Variants in DPP10 observed in about 807,000 individuals in gnomAD.
DPP10 encodes dipeptidyl peptidase like 10, also known as inactive dipeptidyl peptidase 10.
Under a neutral mutation model 120.9 loss-of-function variants are expected in DPP10, and 33 were observed. The observed-to-expected ratio is 0.27, with a 90% CI of 0.21 to 0.37. The LOEUF is 0.37. Among genes scored for constraint, DPP10 ranks in the 10% least tolerant of loss-of-function variants. The pLI is 1.00. For synonymous variants in DPP10, 337 were observed against 326.1 expected (o/e 1.03, Z -0.36); for missense variants, 816 against 942.8 (o/e 0.87, Z 1.76).
chr2:114,730,790 C>T (rs934192399), intron 1 of DPP10, among the ~76,000 whole-genome samples: 2 of 152,038 alleles, frequency 1.3e-5, no homozygotes, highest in African/African-American at 2.4e-5. Flanking sequence ...GACAGGGTTT[C>T]ACCCTGTTAG....
At chr2:115,692,800 G>A (rs902287576) in intron 7 of DPP10, among the ~76,000 whole-genome samples, 9 of 151,996 alleles carry the variant, frequency 5.9e-5, no homozygotes, top group Admixed American at 5.2e-4. Flanking sequence ...ATAATAAGAT[G>A]CACATTACTA....
At chr2:114,912,136 TCACACA>T (rs145032229) in intron 1 of DPP10, among the ~76,000 whole-genome samples, 1 of 149,946 alleles carries the variant, frequency 6.7e-6, no homozygotes, top group African/African-American at 2.4e-5. Flanking sequence ...ACATTTGCAC[TCACACA>T]CACACACACA....
At chr2:114,706,433 A>G (rs1462366848) in intron 1 of DPP10, among the ~76,000 whole-genome samples, 1 of 152,206 alleles carries the variant, frequency 6.6e-6, no homozygotes, top group African/African-American at 2.4e-5. Context: ...TGAAGACTCT[A>G]AAGGAGAATA....
chr2:115,550,581 T>C (rs1325273279), intron 5 of DPP10, among the ~76,000 whole-genome samples: 1 of 152,156 alleles, frequency 6.6e-6, no homozygotes, highest in Admixed American at 6.6e-5. Flanking sequence ...TCGTTCTTAG[T>C]TTTTGCATGA....
intron 1 of DPP10, among the ~76,000 whole-genome samples, chr2:114,507,593 A>G (rs185476431): frequency 1.3e-5 from 2 of 152,296 alleles, no homozygotes; most frequent in South Asian, 2.1e-4. Flanking sequence ...AAAAAAAACC[A>G]TATGATGATT....
In DPP10 at chr2:115,227,778, A is replaced by G. The variant is rs558066602; in HGVS notation, c.61-81461A>G. ...TTCTTTTAATGCAGAATAGTATCCC[A>G]TTATATGGATATGCCATAGTTTGTT... On this transcript the variant is annotated intron_variant, in intron 1 of 25. Coordinates refer to ENST00000410059, the MANE Select transcript of DPP10 (RefSeq NM_020868.6). Among the ~76,000 whole-genome samples, 4 of 152,176 alleles carry G rather than the reference A, an allele frequency of 2.6e-5. No homozygotes were observed. The East Asian group carries it at 7.7e-4, about 29-fold the overall frequency.
At chr2:115,244,811 A>ATG (rs1187368514) in intron 1 of DPP10, among the ~76,000 whole-genome samples, 73 of 149,976 alleles carry the variant, frequency 4.9e-4, no homozygotes, top group African/African-American at 1.8e-3. Context: ...GTGTATATAC[A>ATG]TGTGTATATA....
At position 114,936,365 on chromosome 2, in the gene DPP10, G is replaced by A. The variant is rs10185814; in HGVS notation, c.61-372874G>A. 3.2e-3 allele frequency among the ~76,000 whole-genome samples: 482 copies of A among 150,852 alleles called. 1 individual carries two copies. The highest frequency in any genetic ancestry group is 0.011 in the African/African-American group (470 of 40,938). ...AGTGTTCGATAGTGTATATATATATGTGTGTGTGTATATATATACACATAT... is the reference window on the plus strand; with the variant it reads ...AGTGTTCGATAGTGTATATATATATATGTGTGTGTATATATATACACATAT... On this transcript the variant is annotated intron_variant, in intron 1 of 25. Coordinates refer to ENST00000410059, the MANE Select transcript of DPP10 (RefSeq NM_020868.6).
chr2:114,505,450 G>C (rs1683565583), intron 1 of DPP10, among the ~76,000 whole-genome samples: 1 of 151,726 alleles, frequency 6.6e-6, no homozygotes, highest in Non-Finnish European at 1.5e-5. Context: ...TTTCTCAAAT[G>C]AAATTTATGT....
At chr2:115,638,009 A>G (rs2086489689) in intron 5 of DPP10, among the ~76,000 whole-genome samples, 1 of 152,244 alleles carries the variant, frequency 6.6e-6, no homozygotes, top group Non-Finnish European at 1.5e-5. Context: ...GCTTCACTCT[A>G]GACTGTAGCC....
At chr2:115,757,028 C>G (rs1433226736) in intron 11 of DPP10, among the ~76,000 whole-genome samples, 1 of 152,088 alleles carries the variant, frequency 6.6e-6, no homozygotes, top group East Asian at 1.9e-4. Context: ...GATTTTACCT[C>G]TTAATACTGT....
Position 115,842,618 on chromosome 2 carries a change from T to C in DPP10, c.*273T>C. On this transcript the variant is annotated 3_prime_UTR_variant, in exon 26 of 26. Coordinates refer to ENST00000410059, the MANE Select transcript of DPP10 (RefSeq NM_020868.6). Reference sequence around the variant, plus strand: ...TTTGCATTAAAGTAGGAGTAGTGCATGTTTTCTTCTGTTATCCCCCTGTTT... The same window carrying C: ...TTTGCATTAAAGTAGGAGTAGTGCACGTTTTCTTCTGTTATCCCCCTGTTT... The C allele has an allele frequency of 3.9e-6, 1 of 257,654 alleles. No homozygotes were observed. Among genetic ancestry groups the C allele is most frequent in the Non-Finnish European group, 7.4e-6 (1 of 134,376 alleles). 16.0% of individuals were successfully genotyped at this position (257,654 alleles called of 1,614,324 possible).
At chr2:115,327,955 A>T (rs2062463873) in intron 2 of DPP10, among the ~76,000 whole-genome samples, 1 of 152,028 alleles carries the variant, frequency 6.6e-6, no homozygotes, top group Non-Finnish European at 1.5e-5. Flanking sequence ...ACAAGTGAAA[A>T]TTTCAACCCA....
intron 2 of DPP10, among the ~76,000 whole-genome samples, chr2:115,341,783 AT>A (rs35165754): frequency 0.79 from 119,384 of 151,756 alleles, 47,164 homozygotes; most frequent in Non-Finnish European, 0.83. Flanking sequence ...TTGATAGCTC[AT>A]TTTTTTTAGC....
At chr2:115,205,679 A>G (rs1478062514) in intron 1 of DPP10, among the ~76,000 whole-genome samples, 3 of 152,202 alleles carry the variant, frequency 2.0e-5, no homozygotes, top group African/African-American at 7.2e-5. Flanking sequence ...CATATACACC[A>G]TAGAATATTA....
intron 3 of DPP10, among the ~76,000 whole-genome samples, chr2:115,412,253 A>G (rs1014924262): frequency 7.2e-5 from 11 of 152,220 alleles, no homozygotes; most frequent in Admixed American, 6.5e-4. Context: ...TTAACTGTCT[A>G]TAGATGGCTG....
Position 115,286,512 on chromosome 2 carries a change from T to TAA in DPP10, c.61-22726_61-22725dup, listed in dbSNP as rs1270029412. The stretch of plus-strand genomic sequence containing the variant: ...ATATAATATATATATATTACATATA[T>TAA]AATATATATATATAATATATATATA... On this transcript the variant is annotated intron_variant, in intron 1 of 25. Transcript: ENST00000410059. 5.5e-4 allele frequency among the ~76,000 whole-genome samples: 15 copies of TAA among 27,386 alleles called. No homozygotes were observed. In the East Asian group the frequency reaches 7.4e-3, roughly 14 times the overall value. The allele number at this position is 27,386 out of a possible 152,430, so 18.0% of individuals were successfully genotyped here. A position where few individuals can be genotyped will look rare whatever the true frequency, so the allele number is the denominator to read the frequency against.
At chr2:115,244,229 TATATATATATAGAGAGAGAGAG>T (rs1559303000) in intron 1 of DPP10, among the ~76,000 whole-genome samples, 2 of 38,236 alleles carry the variant, frequency 5.2e-5, no homozygotes, top group African/African-American at 1.2e-4. Context: ...TATATATATA[TATATATATATAGAGAGAGAGAG>T]AGAGAGAGAG....
intron 5 of DPP10, among the ~76,000 whole-genome samples, chr2:115,595,382 A>G (rs554953807): frequency 7.7e-4 from 117 of 152,234 alleles, no homozygotes; most frequent in African/African-American, 2.0e-3. Context: ...GCTTATTTCA[A>G]TGAAATCTTA....
Sources: gnomAD v4.1 joint callset for allele counts (sites outside exome capture counted in the v4.1 genomes callset) on GRCh38, gnomAD v4.1.1 for gene constraint, MANE v1.5 for transcripts, NCBI Gene and HGNC (gene_info 2026-07-23, HGNC 2026-07-21) for gene names.